The following CPT2 variants were observed in gnomAD, a reference collection of about 807,000 sequenced individuals.
The protein encoded by CPT2 is carnitine palmitoyltransferase 2.
Under a neutral mutation model 48.6 loss-of-function variants are expected in CPT2, and 37 were observed. That is an observed-to-expected ratio of 0.76 (90% CI 0.59 to 1.00). The LOEUF is 1.00. Ranked by LOEUF, CPT2 falls within the 50% of genes least tolerant of loss-of-function variation. The pLI, the probability that CPT2 is intolerant of heterozygous loss-of-function variation, is 0.00. For synonymous variants in CPT2, 319 were observed against 326.9 expected (o/e 0.98, Z 0.26); for missense variants, 772 against 825.6 (o/e 0.94, Z 0.80).
At chr1:53,201,602 A>T (rs1210770695) in intron 2 of CPT2, 1 of 153,578 alleles carries the variant, frequency 6.5e-6, no homozygotes, top group Non-Finnish European at 1.4e-5. Context: ...GGAAGCAAAT[A>T]CAGCATGGAA....
rs547147723 is a variant in CPT2, at chr1:53,213,251, T to C, written c.1646-13T>C. The C allele has an allele frequency of 3.7e-6, 6 of 1,613,982 alleles. No individual in the cohort carries two copies. In the East Asian group the frequency reaches 6.7e-5, roughly 18 times the overall value. On this transcript the variant is annotated splice_polypyrimidine_tract_variant and intron_variant, in intron 4 of 4. Transcript: ENST00000371486. ...CATCCTGAGACTCTGGTTTTCCATTTTGTTTCTCACAGGCCAGGGCTTTGA... is the reference window on the plus strand; with the variant it reads ...CATCCTGAGACTCTGGTTTTCCATTCTGTTTCTCACAGGCCAGGGCTTTGA...
intron 1 of CPT2, among the ~76,000 whole-genome samples, chr1:53,198,802 C>T (rs1370326825): frequency 1.3e-5 from 2 of 152,238 alleles, no homozygotes; most frequent in African/African-American, 4.8e-5. Context: ...CACTAGTCAC[C>T]TACGCATAAC....
At chr1:53,199,986 A>G (rs1005688262) in intron 1 of CPT2, 3 of 152,232 alleles carry the variant, frequency 2.0e-5, no homozygotes, top group Non-Finnish European at 4.4e-5. Context: ...ATTTCCTTCA[A>G]TAAAACCAAT....
intron 1 of CPT2, 156 bp downstream of exon 1, chr1:53,197,251 T>A (rs1645329580): frequency 2.2e-6 from 2 of 927,910 alleles, no homozygotes; most frequent in Non-Finnish European, 3.4e-6. Flanking sequence ...GTCTTGGGAC[T>A]TTTCACAATC....
intron 4 of CPT2, among the ~76,000 whole-genome samples, chr1:53,212,483 C>T (rs1327380652): frequency 6.6e-6 from 1 of 152,222 alleles, no homozygotes; most frequent in Non-Finnish European, 1.5e-5. Context: ...TATAGGCATG[C>T]ACCACTGCAC....
chr1:53,213,125 G>T, intron 4 of CPT2, 139 bp from the exon 5 acceptor site: 1 of 743,910 alleles, frequency 1.3e-6, no homozygotes, highest in Non-Finnish European at 2.4e-6. Context: ...TTAGTCAGTT[G>T]GTGGTGTGCA....
Position 53,210,867 on chromosome 1 carries a change from C to T in CPT2, c.1193C>T (p.Thr398Ile). The change falls in exon 4 of 5, where the codon ACT (threonine) becomes ATT (isoleucine). Residue 398 changes from threonine (T) to isoleucine (I), a missense_variant. By Grantham distance (89) the Thr-to-Ile change is moderately conservative (BLOSUM62 -1). Coordinates refer to ENST00000371486, the MANE Select transcript of CPT2 (RefSeq NM_000098.3). ...FKDSTQTPAV[T>I]PQSQPATTDS... ...GACAGCACTCAGACCCCTGCCGTCA[C>T]TCCACAGAGCCAGCCAGCTACCACT... 1.2e-6 allele frequency: 2 copies of T among 1,614,180 alleles called. No homozygotes were observed. The highest frequency in any genetic ancestry group is 1.7e-6 in the Non-Finnish European group (2 of 1,180,032).
intron 3 of CPT2, chr1:53,203,551 C>G (rs1014916657): frequency 6.6e-6 from 1 of 152,224 alleles, no homozygotes; most frequent in African/African-American, 2.4e-5. Context: ...TGAATCTCCT[C>G]TCAATACATG....
At chr1:53,202,520 A>T in intron 3 of CPT2, 91 bp downstream of exon 3, 2 of 1,085,562 alleles carry the variant, frequency 1.8e-6, no homozygotes, top group Non-Finnish European at 2.8e-6. Flanking sequence ...TCTCAGAGAT[A>T]TTTTTGGTGA....
At chr1:53,197,549 T>C in intron 1 of CPT2, 1 of 262,220 alleles carries the variant, frequency 3.8e-6, no homozygotes, top group Non-Finnish European at 7.6e-6. Flanking sequence ...ATTCCTTAAC[T>C]TCTCCCAGCA....
At chr1:53,197,852 CCTCAGTACCCCAT>C (rs1255451880) in intron 1 of CPT2, among the ~76,000 whole-genome samples, 1 of 152,080 alleles carries the variant, frequency 6.6e-6, no homozygotes, top group African/African-American at 2.4e-5. Flanking sequence ...TAGACACCAC[CCTCAGTACCCCAT>C]CCACACTCCA....
Position 53,210,704 on chromosome 1 carries a change from C to CA in CPT2, c.1031dup (p.His344GlnfsTer10). 6.2e-7 allele frequency: 1 copy of CA among 1,614,218 alleles called. No homozygotes were observed. Among genetic ancestry groups the CA allele is most frequent in the Non-Finnish European group, 8.5e-7 (1 of 1,180,042 alleles). On this transcript the variant is annotated frameshift_variant, in exon 4 of 5. Coordinates refer to ENST00000371486, the MANE Select transcript of CPT2 (RefSeq NM_000098.3). LOFTEE classifies it high-confidence loss of function. The stretch of plus-strand genomic sequence containing the variant: ...TGTCCACTTGTCCCACAATATGCTG[C>CA]ATGGGGATGGCACAAACCGCTGGTT...
Position 53,196,857 on chromosome 1 carries a change from T to A in CPT2, c.-87T>A, listed in dbSNP as rs1184415608. On this transcript the variant is annotated 5_prime_UTR_variant, in exon 1 of 5. It adds an upstream start codon to the 5' untranslated region. Coordinates refer to ENST00000371486, the MANE Select transcript of CPT2 (RefSeq NM_000098.3). ...GCCTCAGGAGTCCTGACGCAGTGTC[T>A]TGGGCGCTAACGGCGGCGGCGGCCT... 3 of 1,495,610 alleles carry A rather than the reference T, an allele frequency of 2.0e-6. No individual in the cohort carries two copies. Among genetic ancestry groups the A allele is most frequent in the Non-Finnish European group, 2.7e-6 (3 of 1,117,458 alleles). 92.6% of individuals were successfully genotyped at this position (1,495,610 alleles called of 1,614,324 possible).
chr1:53,207,150 C>G (rs1318892482), intron 3 of CPT2, among the ~76,000 whole-genome samples: 2 of 152,178 alleles, frequency 1.3e-5, no homozygotes, highest in Non-Finnish European at 2.9e-5. Context: ...CCTTGCTTCC[C>G]CTTTGCCTTC....
At chr1:53,198,357 G>A (rs1201965022) in intron 1 of CPT2, among the ~76,000 whole-genome samples, 4 of 152,158 alleles carry the variant, frequency 2.6e-5, no homozygotes, top group East Asian at 3.8e-4. Flanking sequence ...TTAACCCAAC[G>A]TCATCACTAC....
intron 4 of CPT2, chr1:53,211,596 CTTTCTTT>C: frequency 1.6e-5 from 7 of 438,906 alleles, no homozygotes; most frequent in Middle Eastern, 6.0e-4. Context: ...ATTCTTTTTT[CTTTCTTT>C]TTTTTTTTTT....
In CPT2 at chr1:53,210,112, T is replaced by A. The variant is rs751437363; in HGVS notation, c.438T>A (p.Asn146Lys). ...ATCCTGACCCAAAATCTGAGTATAATGACCAGCTCACCCGGGCAACCAACA... is the reference window on the plus strand; with the variant it reads ...ATCCTGACCCAAAATCTGAGTATAAAGACCAGCTCACCCGGGCAACCAACA... ...AFNPDPKSEY[N>K]DQLTRATNMT... The change falls in exon 4 of 5, where the codon AAT becomes AAA. Residue 146 changes from asparagine (N) to lysine (K), a missense_variant. Coordinates refer to ENST00000371486, the MANE Select transcript of CPT2 (RefSeq NM_000098.3). The A allele has an allele frequency of 6.2e-7, 1 of 1,614,102 alleles. No homozygotes were observed. Among genetic ancestry groups the A allele is most frequent in the Admixed American group, 1.7e-5 (1 of 60,002 alleles).
chr1:53,196,958 G>T lies in CPT2; in HGVS notation c.15G>T (p.Leu5=). ...CTCCCGGGACGATGGTGCCCCGCCT[G>T]CTGCTGCGCGCCTGGCCCCGGGGCC... MVPR[L]LLRAWPRGPA... The change falls in exon 1 of 5, where the codon CTG becomes CTT. Residue 5 remains leucine (L), a synonymous_variant. Transcript: ENST00000371486. 1 of 1,538,358 alleles carries T rather than the reference G, an allele frequency of 6.5e-7. No individual in the cohort carries two copies. The highest frequency in any genetic ancestry group is 8.7e-7 in the Non-Finnish European group (1 of 1,150,556).
rs1383891426 is a variant in CPT2 at position 53,213,551 on chromosome 1, G to A, written c.1933G>A (p.Glu645Lys). The A allele has an allele frequency of 4.3e-6, 7 of 1,614,190 alleles. No homozygotes were observed. Among genetic ancestry groups the A allele is most frequent in the Admixed American group, 1.7e-5 (1 of 60,028 alleles). ...EFLQCVEKAL[E>K]DMFDALEGKS... ...TCTCCAATGTGTGGAGAAGGCCTTA[G>A]AAGACATGTTTGATGCCTTAGAAGG... The change falls in exon 5 of 5, where the codon GAA becomes AAA. Residue 645 changes from glutamate to lysine, a missense_variant. Transcript: ENST00000371486.
Sources: gnomAD v4.1 joint callset for allele counts (sites outside exome capture counted in the v4.1 genomes callset) on GRCh38, gnomAD v4.1.1 for gene constraint, MANE v1.5 for transcripts, NCBI Gene and HGNC (gene_info 2026-07-23, HGNC 2026-07-21) for gene names.